CFAP221: variants seen among roughly 807,000 people sequenced by gnomAD.
CFAP221 encodes the protein cilia and flagella associated protein 221.
CFAP221 carries 97 observed loss-of-function variants against 113.1 expected under a neutral mutation model. That is an observed-to-expected ratio of 0.86 (90% CI 0.73 to 1.02). The LOEUF is 1.02. Among genes scored for constraint, CFAP221 ranks in the 50% least tolerant of loss-of-function variants. The pLI is 0.00. For synonymous variants in CFAP221, 331 were observed against 354.4 expected (o/e 0.93, Z 0.74); for missense variants, 1,025 against 1,013.4 (o/e 1.01, Z -0.16).
At position 119,627,656 on chromosome 2, in the gene CFAP221, C is replaced by T. The variant is rs756518487; in HGVS notation, c.1520C>T (p.Ala507Val). The change falls in exon 16 of 24, where the codon GCG (alanine) becomes GTG (valine). Residue 507 changes from alanine to valine, a missense_variant. Physicochemically the swap from Ala to Val is moderately conservative, Grantham distance 64. Transcript: ENST00000413369. ...GQAKQSIAQEANFFKFFLRRI... is the reference protein window; with the variant it reads ...GQAKQSIAQEVNFFKFFLRRI... ...GTGCCCTTTTTTTCACCCATAGAGG[C>T]GAATTTCTTCAAATTCTTCCTGAGG... The T allele has an allele frequency of 1.1e-5, 17 of 1,612,896 alleles. No homozygotes were observed. The highest frequency in any genetic ancestry group is 3.3e-5 in the Admixed American group (2 of 59,866).
chr2:119,605,736 G>A (rs1006626227), intron 11 of CFAP221, among the ~76,000 whole-genome samples: 1 of 152,132 alleles, frequency 6.6e-6, no homozygotes, highest in African/African-American at 2.4e-5. Flanking sequence ...GAATTCTTGT[G>A]CTTCTGTGCC....
chr2:119,613,566 G>A (rs1294433880), intron 13 of CFAP221, among the ~76,000 whole-genome samples: 1 of 152,180 alleles, frequency 6.6e-6, no homozygotes, highest in African/African-American at 2.4e-5. Context: ...ACCCTCTGCA[G>A]CCATGGCCTG....
chr2:119,607,441 ATCATAAC>A (rs1684850768), intron 11 of CFAP221, among the ~76,000 whole-genome samples: 1 of 18,020 alleles, frequency 5.5e-5, no homozygotes, highest in Non-Finnish European at 4.2e-4. Flanking sequence ...CACTTTAAAA[ATCATAAC>A]TATTATTTAT....
intron 22 of CFAP221, among the ~76,000 whole-genome samples, chr2:119,651,490 A>T (rs1371344319): frequency 7.2e-5 from 1 of 13,806 alleles, no homozygotes; most frequent in Non-Finnish European, 2.2e-4. Flanking sequence ...CCACAAAAAG[A>T]TCGAAAAAAA....
Position 119,601,266 on chromosome 2 carries a change from C to G in CFAP221, c.680C>G (p.Pro227Arg). 6.5e-7 allele frequency: 1 copy of G among 1,534,552 alleles called. No homozygotes were observed. Among genetic ancestry groups the G allele is most frequent in the South Asian group, 1.2e-5 (1 of 83,816 alleles). Residue 227 changes from proline (P) to arginine (R), a missense_variant, in exon 8 of 24, where the codon CCC becomes CGC. By Grantham distance (103) the Pro-to-Arg change is moderately radical (BLOSUM62 -2). Transcript: ENST00000413369. The stretch of plus-strand genomic sequence containing the variant: ...ATGACTGTGACTATTAAGTTTACAC[C>G]CTTTCAGTATGGGACTGCACAAATA... ...GKMTVTIKFT[P>R]FQYGTAQIKM...
chr2:119,659,132 C>T (rs1688539582), downstream of CFAP221, among the ~76,000 whole-genome samples: 2 of 152,146 alleles, frequency 1.3e-5, no homozygotes, highest in South Asian at 4.1e-4. Flanking sequence ...GCTTAGCTCC[C>T]ATCATCTACG....
rs1684201109 is a variant in CFAP221 at position 119,599,234 on chromosome 2, G to C, written c.632-1984G>C. Among the ~76,000 whole-genome samples the C allele has an allele frequency of 2.6e-5, 4 of 152,174 alleles. No individual in the cohort carries two copies. The South Asian group carries it at 8.3e-4, about 32-fold the overall frequency. On this transcript the variant is annotated intron_variant, in intron 7 of 23. Transcript: ENST00000413369. ...TCCAGGAAGATATAAAAGGTATGGG[G>C]CTGGTGTCTGCCTTATGAGCTTGAT...
At position 119,618,896 on chromosome 2, in the gene CFAP221, TG is replaced by T. The variant is rs1685700738; in HGVS notation, c.1410+3193del. The stretch of plus-strand genomic sequence containing the variant: ...GTCCACCTGGGACACTTGAGCTTGG[TG>T]GGGGGAGGGGCGTCTGCCATTACTG... On this transcript the variant is annotated intron_variant, in intron 14 of 23. Transcript: ENST00000413369. Among the ~76,000 whole-genome samples the T allele has an allele frequency of 2.0e-5, 3 of 151,930 alleles. No individual in the cohort carries two copies. The South Asian group carries it at 6.2e-4, about 32-fold the overall frequency.
intron 6 of CFAP221, among the ~76,000 whole-genome samples, chr2:119,569,880 A>G (rs1278572571): frequency 2.0e-5 from 3 of 152,084 alleles, no homozygotes; most frequent in Admixed American, 2.0e-4. Context: ...CTCTGCTTAC[A>G]CTTCCCATTT....
intron 12 of CFAP221, among the ~76,000 whole-genome samples, chr2:119,609,633 C>T (rs1415806296): frequency 6.6e-6 from 1 of 152,174 alleles, no homozygotes; most frequent in African/African-American, 2.4e-5. Context: ...AACTTGGTCA[C>T]TTCTTTAAAG....
At chr2:119,601,440 T>C in intron 8 of CFAP221, 63 bp downstream of exon 8, 1 of 1,352,092 alleles carries the variant, frequency 7.4e-7, no homozygotes, top group South Asian at 1.7e-5. Context: ...CAAGTCTTCC[T>C]TTCTTCCATT....
intron 11 of CFAP221, among the ~76,000 whole-genome samples, chr2:119,606,961 A>T (rs1239520828): frequency 6.6e-6 from 1 of 152,162 alleles, no homozygotes; most frequent in East Asian, 1.9e-4. Context: ...AATTGCAAAT[A>T]TCAGGAAGCT....
chr2:119,658,410 C>T (rs989697295), downstream of CFAP221, among the ~76,000 whole-genome samples: 1 of 152,154 alleles, frequency 6.6e-6, no homozygotes, highest in Non-Finnish European at 1.5e-5. Context: ...ACAGTATATT[C>T]CAGACTCATC....
At chr2:119,624,021 G>T (rs980660190) in intron 14 of CFAP221, among the ~76,000 whole-genome samples, 5 of 152,132 alleles carry the variant, frequency 3.3e-5, no homozygotes, top group Non-Finnish European at 5.9e-5. Flanking sequence ...TGACAAATGG[G>T]ACCTAATTAA....
In CFAP221 at chr2:119,638,294, T is replaced by C; in HGVS notation, c.2010T>C (p.Pro670=). Residue 670 remains proline, a synonymous_variant, in exon 20 of 24, where the codon CCT becomes CCC. Transcript: ENST00000413369. ...PNPGLFAVMH[P]LTYAETLIDY... ...CAGGATTATTTGCTGTAATGCATCC[T>C]CTGACCTATGCAGAAACGTTGATAG... The C allele has an allele frequency of 6.2e-7, 1 of 1,614,170 alleles. No homozygotes were observed. The highest frequency in any genetic ancestry group is 8.5e-7 in the Non-Finnish European group (1 of 1,179,984).
chr2:119,614,411 T>G (rs546074737), intron 13 of CFAP221, among the ~76,000 whole-genome samples: 13 of 152,316 alleles, frequency 8.5e-5, no homozygotes, highest in African/African-American at 2.6e-4. Flanking sequence ...TACCTGAGGC[T>G]GGGTAATTTA....
At chr2:119,610,095 T>C (rs1312244405) in intron 12 of CFAP221, among the ~76,000 whole-genome samples, 1 of 152,214 alleles carries the variant, frequency 6.6e-6, no homozygotes, top group Non-Finnish European at 1.5e-5. Flanking sequence ...TTTTCTAACC[T>C]TTTTAAAGGT....
chr2:119,599,940 G>T (rs1169673619), intron 7 of CFAP221, among the ~76,000 whole-genome samples: 8 of 152,118 alleles, frequency 5.3e-5, no homozygotes, highest in African/African-American at 1.9e-4. Context: ...AGGCCCATGT[G>T]GTTGGGCGCA....
chr2:119,630,753 T>C lies in CFAP221; in HGVS notation c.1840-14T>C, dbSNP rs777226377. The C allele has an allele frequency of 1.2e-6, 2 of 1,609,484 alleles. No homozygotes were observed. Among genetic ancestry groups the C allele is most frequent in the South Asian group, 2.2e-5 (2 of 90,922 alleles). ...TGGCATCAAAACTAACGTGCTGTCC[T>C]TGCTCCTTGTTAGGATGAAGTCACC... On this transcript the variant is annotated splice_polypyrimidine_tract_variant and intron_variant, in intron 18 of 23. Coordinates refer to ENST00000413369, the MANE Select transcript of CFAP221 (RefSeq NM_001271049.2).
Sources: gnomAD v4.1 joint callset for allele counts (sites outside exome capture counted in the v4.1 genomes callset) on GRCh38, gnomAD v4.1.1 for gene constraint, MANE v1.5 for transcripts, NCBI Gene and HGNC (gene_info 2026-07-23, HGNC 2026-07-21) for gene names.